Variants in EDIL3 observed in about 807,000 individuals in gnomAD.
The protein encoded by EDIL3 is EGF-like repeat and discoidin I-like domain-containing protein 3.
A neutral mutation model predicts 67.4 loss-of-function variants in EDIL3; 37 were observed. The observed-to-expected ratio is 0.55, with a 90% CI of 0.42 to 0.72. The LOEUF (loss-of-function observed/expected upper bound fraction) is 0.72, where lower values mean the gene tolerates loss of function less well. Ranked by LOEUF, EDIL3 falls within the 30% of genes least tolerant of loss-of-function variation. EDIL3 has a pLI of 0.00. For missense variants in EDIL3, 527 were observed against 586.3 expected (o/e 0.90, Z 1.04); for synonymous variants, 195 against 196.3 (o/e 0.99, Z 0.05).
chr5:84,160,406 T>G lies in EDIL3; in HGVS notation c.355+19987A>C, dbSNP rs141181291. Among the ~76,000 whole-genome samples the G allele has an allele frequency of 2.9e-3, 441 of 152,284 alleles. 4 individuals are homozygous for G. The highest frequency in any genetic ancestry group is 9.5e-3 in the African/African-American group (396 of 41,564). ...CTATTTGTTTTTAAGCATAAAACCA[T>G]GTTCAACTATTTATAACTCCTAGAG... On this transcript the variant is annotated intron_variant, in intron 4 of 10. Coordinates refer to ENST00000296591, the MANE Select transcript of EDIL3 (RefSeq NM_005711.5).
intron 9 of EDIL3, among the ~76,000 whole-genome samples, chr5:84,018,231 C>T (rs982116954): frequency 2.0e-5 from 3 of 152,152 alleles, no homozygotes; most frequent in Non-Finnish European, 4.4e-5. Context: ...ATTCTGACTA[C>T]ATCTAGGTGT....
At chr5:84,141,012 C>CTA (rs1317932692) in intron 4 of EDIL3, among the ~76,000 whole-genome samples, 2 of 151,972 alleles carry the variant, frequency 1.3e-5, no homozygotes, top group Non-Finnish European at 2.9e-5. Flanking sequence ...TAGATAAAAA[C>CTA]GTTCACAGAA....
At chr5:83,989,743 A>T (rs1056063181) in intron 9 of EDIL3, among the ~76,000 whole-genome samples, 4 of 152,126 alleles carry the variant, frequency 2.6e-5, no homozygotes, top group South Asian at 2.1e-4. Context: ...GAGACCTGTG[A>T]TTTGCTTCTA....
intron 6 of EDIL3, among the ~76,000 whole-genome samples, chr5:84,082,043 C>G (rs1055186462): frequency 6.6e-6 from 1 of 152,248 alleles, no homozygotes; most frequent in Non-Finnish European, 1.5e-5. Flanking sequence ...CTCTGATAAT[C>G]ATATCTCCAT....
intron 4 of EDIL3, among the ~76,000 whole-genome samples, chr5:84,146,074 C>A (rs78154224): frequency 0.017 from 2,542 of 152,190 alleles, 75 homozygotes; most frequent in African/African-American, 0.058. Context: ...TTTACCTCTA[C>A]ATAAGGTTTA....
chr5:84,133,548 A>G (rs1474880007), intron 5 of EDIL3, among the ~76,000 whole-genome samples: 1 of 151,736 alleles, frequency 6.6e-6, no homozygotes. Flanking sequence ...AGGCAGGAGA[A>G]TCACTTGAAC....
intron 1 of EDIL3, among the ~76,000 whole-genome samples, chr5:84,295,876 A>T (rs1746042635): frequency 6.6e-6 from 1 of 152,298 alleles, no homozygotes; most frequent in South Asian, 2.1e-4. Context: ...GTTGTCAGCA[A>T]TCATATAGGA....
At chr5:84,104,362 C>A (rs189814850) in intron 6 of EDIL3, among the ~76,000 whole-genome samples, 8 of 150,222 alleles carry the variant, frequency 5.3e-5, no homozygotes, top group African/African-American at 2.0e-4. Context: ...CAAACCTGCA[C>A]ATGTACCCCT....
intron 1 of EDIL3, among the ~76,000 whole-genome samples, chr5:84,350,465 T>C (rs966492760): frequency 6.6e-6 from 1 of 152,040 alleles, no homozygotes; most frequent in African/African-American, 2.4e-5. Flanking sequence ...ACTTAAAAGA[T>C]TTAGTACAAT....
chr5:83,998,394 G>C (rs1745270564), intron 9 of EDIL3, among the ~76,000 whole-genome samples: 1 of 152,200 alleles, frequency 6.6e-6, no homozygotes, highest in Admixed American at 6.5e-5. Context: ...TTTATCACCT[G>C]CTGACTAAAG....
chr5:84,306,284 C>G (rs1746275255), intron 1 of EDIL3, among the ~76,000 whole-genome samples: 1 of 152,096 alleles, frequency 6.6e-6, no homozygotes, highest in African/African-American at 2.4e-5. Flanking sequence ...TGCAACCAGC[C>G]TGAAAATGCA....
At chr5:84,198,027 G>A (rs924728433) in intron 3 of EDIL3, among the ~76,000 whole-genome samples, 8 of 151,980 alleles carry the variant, frequency 5.3e-5, no homozygotes, top group Non-Finnish European at 1.0e-4. Flanking sequence ...AGGAAATGAG[G>A]TAGAAACATT....
intron 4 of EDIL3, among the ~76,000 whole-genome samples, chr5:84,173,077 G>C (rs542798022): frequency 6.6e-6 from 1 of 152,178 alleles, no homozygotes; most frequent in Non-Finnish European, 1.5e-5. Context: ...CAGAAGATAG[G>C]ATCTGAGAAG....
intron 4 of EDIL3, among the ~76,000 whole-genome samples, chr5:84,158,728 C>G (rs138994627): frequency 2.0e-5 from 3 of 151,952 alleles, no homozygotes; most frequent in Non-Finnish European, 4.4e-5. Context: ...GTCTGGAAAC[C>G]TTTATCCTAA....
intron 1 of EDIL3, among the ~76,000 whole-genome samples, chr5:84,298,135 T>A (rs968640811): frequency 6.6e-6 from 1 of 152,168 alleles, no homozygotes; most frequent in Non-Finnish European, 1.5e-5. Context: ...ACTGAGTACA[T>A]ACCCAAAGGA....
chr5:84,099,628 A>T (rs569080784), intron 6 of EDIL3, among the ~76,000 whole-genome samples: 74 of 152,308 alleles, frequency 4.9e-4, no homozygotes, highest in African/African-American at 1.5e-3. Context: ...TAAAAATCCT[A>T]GAAGAAAACC....
chr5:84,128,237 C>T (rs1207606968), intron 5 of EDIL3, among the ~76,000 whole-genome samples: 1 of 152,048 alleles, frequency 6.6e-6, no homozygotes, highest in African/African-American at 2.4e-5. Flanking sequence ...GAAATCATGC[C>T]ATCGTTTGAA....
intron 4 of EDIL3, among the ~76,000 whole-genome samples, chr5:84,154,789 T>C (rs1397533144): frequency 1.4e-5 from 2 of 140,898 alleles, no homozygotes; most frequent in Non-Finnish European, 3.0e-5. Context: ...AACCTCTGCC[T>C]CCCAGGTTCA....
intron 9 of EDIL3, among the ~76,000 whole-genome samples, chr5:83,966,231 A>T (rs766955459): frequency 1.3e-5 from 2 of 152,104 alleles, no homozygotes; most frequent in Non-Finnish European, 2.9e-5. Context: ...GCTCATGGGT[A>T]GACATTTGGC....
Sources: gnomAD v4.1 joint callset for allele counts (sites outside exome capture counted in the v4.1 genomes callset) on GRCh38, gnomAD v4.1.1 for gene constraint, MANE v1.5 for transcripts, NCBI Gene and HGNC (gene_info 2026-07-23, HGNC 2026-07-21) for gene names.